SYNPR: variants seen among roughly 807,000 people sequenced by gnomAD.
The protein encoded by SYNPR is synaptoporin.
In SYNPR, 23 loss-of-function variants were observed where a neutral mutation model predicts 32.9. That is an observed-to-expected ratio of 0.70 (90% CI 0.50 to 0.99). SYNPR has a LOEUF of 0.99. SYNPR is among the 50% of genes least tolerant of loss of function. The probability of loss-of-function intolerance (pLI) is 0.00; values close to 1 mark genes in which losing one functional copy is unlikely to be tolerated. For synonymous variants in SYNPR, 146 were observed against 135.9 expected (o/e 1.07, Z -0.52); for missense variants, 318 against 349.3 (o/e 0.91, Z 0.71).
intron 4 of SYNPR, among the ~76,000 whole-genome samples, chr3:63,602,830 C>T (rs1700065495): frequency 6.6e-6 from 1 of 151,996 alleles, no homozygotes; most frequent in African/African-American, 2.4e-5. Context: ...GTCATTCAGG[C>T]TCATTTTTTC....
chr3:63,475,947 G>A (rs1294331136), intron 2 of SYNPR, among the ~76,000 whole-genome samples: 2 of 151,968 alleles, frequency 1.3e-5, no homozygotes, highest in African/African-American at 4.8e-5. Flanking sequence ...CAGTGGTCAA[G>A]CAAGGAATAC....
chr3:63,554,451 A>G (rs1311569613), intron 3 of SYNPR, among the ~76,000 whole-genome samples: 1 of 152,186 alleles, frequency 6.6e-6, no homozygotes. Flanking sequence ...TCCCAGCACC[A>G]TGTACTGAGT....
At chr3:63,521,002 G>A (rs1701903386) in intron 3 of SYNPR, among the ~76,000 whole-genome samples, 1 of 152,178 alleles carries the variant, frequency 6.6e-6, no homozygotes, top group South Asian at 2.1e-4. Context: ...TCAGTTAAAG[G>A]AGAAAGAAAC....
chr3:63,579,789 ACACACACACAC>A (rs1703057054), intron 4 of SYNPR, among the ~76,000 whole-genome samples: 1 of 982 alleles, frequency 1.0e-3, no homozygotes, highest in African/African-American at 2.7e-3. Context: ...TTTAACTAAA[ACACACACACAC>A]ACACACACAC....
intron 3 of SYNPR, among the ~76,000 whole-genome samples, chr3:63,531,457 C>T (rs756777751): frequency 6.6e-6 from 1 of 152,132 alleles, no homozygotes; most frequent in Admixed American, 6.5e-5. Context: ...TGATACTCCC[C>T]CTGTGTGTCT....
At chr3:63,391,632 T>C (rs1022862359) in intron 2 of SYNPR, among the ~76,000 whole-genome samples, 1 of 152,306 alleles carries the variant, frequency 6.6e-6, no homozygotes, top group East Asian at 1.9e-4. Flanking sequence ...TCAGTATCCA[T>C]AGGTATAATA....
chr3:63,534,728 G>A (rs1001954109), intron 3 of SYNPR, among the ~76,000 whole-genome samples: 19 of 152,116 alleles, frequency 1.2e-4, no homozygotes, highest in Admixed American at 9.2e-4. Flanking sequence ...TCCAGCTCAC[G>A]GTTGAAAGCA....
intron 3 of SYNPR, among the ~76,000 whole-genome samples, chr3:63,511,122 T>C (rs905448911): frequency 6.6e-6 from 1 of 151,906 alleles, no homozygotes; most frequent in Non-Finnish European, 1.5e-5. Flanking sequence ...CTTATGCTTT[T>C]TGGGTATTGG....
intron 2 of SYNPR, among the ~76,000 whole-genome samples, chr3:63,364,233 C>T (rs1456044371): frequency 6.6e-5 from 10 of 152,044 alleles, no homozygotes. Context: ...TTATCTTATT[C>T]TGAATAAATT....
At chr3:63,221,255 A>C in the SYNPR span, among the ~76,000 whole-genome samples, 2,505 of 152,232 alleles carry the variant, frequency 0.016, 34 homozygotes, top group Middle Eastern at 0.027. Context: ...GTAAAGTCAC[A>C]GGGTGGAATG....
chr3:63,384,788 T>C (rs1277668618), intron 2 of SYNPR, among the ~76,000 whole-genome samples: 3 of 152,220 alleles, frequency 2.0e-5, no homozygotes, highest in African/African-American at 4.8e-5. Flanking sequence ...GAGTTAGTTG[T>C]TTTTATTTCC....
upstream of SYNPR, among the ~76,000 whole-genome samples, chr3:63,228,164 A>G (rs1376013630): frequency 6.6e-6 from 1 of 152,202 alleles, no homozygotes; most frequent in Non-Finnish European, 1.5e-5. Context: ...TGACTGGGAT[A>G]GCAGTGTCTG....
intron 2 of SYNPR, among the ~76,000 whole-genome samples, chr3:63,360,579 C>T (rs1241520087): frequency 2.6e-5 from 4 of 152,200 alleles, no homozygotes; most frequent in African/African-American, 9.6e-5. Context: ...ACACTAGCTA[C>T]ATCTCCAAAC....
At chr3:63,521,481 G>A (rs1036059188) in intron 3 of SYNPR, among the ~76,000 whole-genome samples, 1 of 152,174 alleles carries the variant, frequency 6.6e-6, no homozygotes, top group Non-Finnish European at 1.5e-5. Flanking sequence ...AAGTCAGGGA[G>A]CGTACTTGGC....
At chr3:63,489,327 G>C (rs1039197575) in intron 3 of SYNPR, among the ~76,000 whole-genome samples, 2 of 152,158 alleles carry the variant, frequency 1.3e-5, no homozygotes, top group Admixed American at 6.5e-5. Flanking sequence ...TCCTGGGGGT[G>C]TTAATTCCCT....
intron 3 of SYNPR, among the ~76,000 whole-genome samples, chr3:63,268,817 A>T (rs1219498344): frequency 6.6e-6 from 1 of 152,158 alleles, no homozygotes; most frequent in Non-Finnish European, 1.5e-5. Flanking sequence ...TATCAAACTT[A>T]TTTTATTACA....
At chr3:63,307,659 G>A (rs1196375159) in intron 2 of SYNPR, among the ~76,000 whole-genome samples, 3 of 151,812 alleles carry the variant, frequency 2.0e-5, no homozygotes, top group African/African-American at 7.3e-5. Flanking sequence ...TTTCATTAAA[G>A]TTGAAGGAAA....
chr3:63,242,140 G>A (rs2086253830), intron 1 of SYNPR, among the ~76,000 whole-genome samples: 1 of 152,068 alleles, frequency 6.6e-6, no homozygotes, highest in South Asian at 2.1e-4. Context: ...AAAAGATAAT[G>A]TGAATTCAAA....
At chr3:63,432,007 A>T (rs971699234) in intron 2 of SYNPR, among the ~76,000 whole-genome samples, 2 of 152,128 alleles carry the variant, frequency 1.3e-5, no homozygotes, top group African/African-American at 4.8e-5. Context: ...GGCTGTGAAG[A>T]GGGATAGACC....
Sources: gnomAD v4.1 joint callset for allele counts (sites outside exome capture counted in the v4.1 genomes callset) on GRCh38, gnomAD v4.1.1 for gene constraint, MANE v1.5 for transcripts, NCBI Gene and HGNC (gene_info 2026-07-23, HGNC 2026-07-21) for gene names.